CNGA1: variants seen among roughly 807,000 people sequenced by gnomAD.
CNGA1 encodes the protein cyclic nucleotide-gated channel alpha-1.
CNGA1 carries 53 observed loss-of-function variants against 69.7 expected under a neutral mutation model. The observed-to-expected ratio is 0.76, with a 90% CI of 0.61 to 0.96. The LOEUF is 0.96. CNGA1 is among the 40% of genes least tolerant of loss of function. The probability of loss-of-function intolerance (pLI) is 0.00; values close to 1 mark genes in which losing one functional copy is unlikely to be tolerated. For missense variants in CNGA1, 739 were observed against 811.2 expected, an observed-to-expected ratio of 0.91 and a Z score of 1.08; for synonymous variants, 249 against 283.5, an observed-to-expected ratio of 0.88 and a Z score of 1.22.
At chr4:47,987,300 C>T (rs1323557632) in intron 2 of CNGA1, among the ~76,000 whole-genome samples, 8 of 152,058 alleles carry the variant, frequency 5.3e-5, no homozygotes, top group Non-Finnish European at 1.2e-4. Context: ...GGCTCTTGAT[C>T]CTAAGTTATT....
rs3845160 is a variant in CNGA1 at position 47,951,498 on chromosome 4, A to T, written c.108-29T>A. 0.82 allele frequency: 1,179,665 copies of T among 1,443,482 alleles called. 484,490 individuals carry two copies. Among genetic ancestry groups the T allele is most frequent in the East Asian group, 0.97 (42,891 of 44,032 alleles). The allele number at this position is 1,443,482 out of a possible 1,614,324, so 89.4% of individuals were successfully genotyped here. A position where few individuals can be genotyped will look rare whatever the true frequency, so the allele number is the denominator to read the frequency against. On this transcript the variant is annotated intron_variant, in intron 4 of 10. Transcript: ENST00000514170. ...CAGTCCAATAGGAGGCAGAGAGAGA[A>T]GAGTTAATGTTTTCAACCACTGCAG...
Position 47,936,881 on chromosome 4 carries a change from A to G in CNGA1, c.1601T>C (p.Leu534Ser), listed in dbSNP as rs778589744. The change falls in exon 11 of 11, where the codon TTG (leucine) becomes TCG (serine). Residue 534 changes from leucine (L) to serine (S), a missense_variant. Transcript: ENST00000514170. ...CTCACCGAAGTAGCTGCCATCGCTC[A>G]ATACCACAAACTGAGTGACTCCATC... ...ADDGVTQFVVLSDGSYFGEIS... is the reference protein window; with the variant it reads ...ADDGVTQFVVSSDGSYFGEIS... The G allele has an allele frequency of 5.6e-6, 9 of 1,614,150 alleles. No individual in the cohort carries two copies. The highest frequency in any genetic ancestry group is 7.6e-6 in the Non-Finnish European group (9 of 1,180,036).
chr4:48,016,671 C>T lies in CNGA1; in HGVS notation c.-411G>A, dbSNP rs1036900606. On this transcript the variant is annotated 5_prime_UTR_variant, in exon 1 of 11. Transcript: ENST00000514170. The stretch of plus-strand genomic sequence containing the variant: ...GCAACAAGCCCCGGGCAGCAGGGCT[C>T]GGCTGGCGCTGAGGCCCCGCCTGGC... The T allele has an allele frequency of 1.7e-6, 1 of 596,554 alleles. No homozygotes were observed. Among genetic ancestry groups the T allele is most frequent in the Non-Finnish European group, 2.8e-6 (1 of 355,688 alleles). The allele number at this position is 596,554 out of a possible 1,614,324, so 37.0% of individuals were successfully genotyped here. A position where few individuals can be genotyped will look rare whatever the true frequency, so the allele number is the denominator to read the frequency against.
rs149017361 is a variant in CNGA1, at chr4:47,960,871, G to A, written c.-14-8168C>T. Reference sequence around the variant, plus strand: ...AAATTTAAGGACAGGCAAAACATTGGTGATAGAAGTAAAAATAGTAGTTGT... The same window carrying A: ...AAATTTAAGGACAGGCAAAACATTGATGATAGAAGTAAAAATAGTAGTTGT... On this transcript the variant is annotated intron_variant, in intron 3 of 10. Coordinates refer to ENST00000514170, the MANE Select transcript of CNGA1 (RefSeq NM_001379270.1). Among the ~76,000 whole-genome samples, 422 of 152,266 alleles carry A rather than the reference G, an allele frequency of 2.8e-3. 3 individuals are homozygous for A. The highest frequency in any genetic ancestry group is 9.8e-3 in the African/African-American group (409 of 41,552).
intron 2 of CNGA1, among the ~76,000 whole-genome samples, chr4:47,994,822 T>G (rs1216634789): frequency 6.6e-6 from 1 of 152,188 alleles, no homozygotes; most frequent in Non-Finnish European, 1.5e-5. Context: ...GTTCCCAGGA[T>G]TTGTTTCAAT....
chr4:47,949,153 C>T (rs1739598525), intron 6 of CNGA1, among the ~76,000 whole-genome samples: 1 of 152,192 alleles, frequency 6.6e-6, no homozygotes, highest in African/African-American at 2.4e-5. Flanking sequence ...CACTCATTCC[C>T]CACTTGCCAA....
rs1738694092 is a variant in CNGA1, at chr4:47,936,995, T to C, written c.1487A>G (p.Tyr496Cys). Residue 496 changes from tyrosine (Y) to cysteine (C), a missense_variant, in exon 11 of 11, where the codon TAC becomes TGC. By Grantham distance (194) the Tyr-to-Cys change is radical. Coordinates refer to ENST00000514170, the MANE Select transcript of CNGA1 (RefSeq NM_001379270.1). Reference protein sequence around the residue: ...ELVLKLQPQVYSPGDYICKKG... With the variant: ...ELVLKLQPQVCSPGDYICKKG... ...CTTGCAAATATAATCTCCAGGACTG[T>C]AGACTTGGGGTTGCAATTTCAAGAC... 1.2e-6 allele frequency: 2 copies of C among 1,614,014 alleles called. No homozygotes were observed. The highest frequency in any genetic ancestry group is 1.1e-5 in the South Asian group (1 of 91,068).
intron 2 of CNGA1, among the ~76,000 whole-genome samples, chr4:47,986,682 G>T (rs997616637): frequency 6.6e-6 from 1 of 151,790 alleles, no homozygotes; most frequent in African/African-American, 2.4e-5. Flanking sequence ...TTTCTACGAG[G>T]CACAAAGAAA....
At chr4:48,010,105 G>A (rs1715087364) in intron 2 of CNGA1, among the ~76,000 whole-genome samples, 2 of 151,968 alleles carry the variant, frequency 1.3e-5, no homozygotes, top group Admixed American at 1.3e-4. Flanking sequence ...GATATTAAAT[G>A]AAACAACACA....
intron 2 of CNGA1, among the ~76,000 whole-genome samples, chr4:47,994,802 T>C (rs1460639671): frequency 1.3e-5 from 2 of 152,178 alleles, no homozygotes; most frequent in Non-Finnish European, 2.9e-5. Context: ...AAAGAGGTTC[T>C]GTTTGATGTG....
At position 48,016,655 on chromosome 4, in the gene CNGA1, C is replaced by G. The variant is rs74695982; in HGVS notation, c.-395G>C. 1.1e-4 allele frequency: 62 copies of G among 567,380 alleles called. No individual in the cohort carries two copies. The highest frequency in any genetic ancestry group is 1.2e-5 in the Non-Finnish European group (4 of 331,154). 35.1% of individuals were successfully genotyped at this position (567,380 alleles called of 1,614,324 possible). A position where few individuals can be genotyped will look rare whatever the true frequency, so the allele number is the denominator to read the frequency against. On this transcript the variant is annotated 5_prime_UTR_variant, in exon 1 of 11. Coordinates refer to ENST00000514170, the MANE Select transcript of CNGA1 (RefSeq NM_001379270.1). The stretch of plus-strand genomic sequence containing the variant: ...GGGGCCCTGAGAATTCGCAACAAGC[C>G]CCGGGCAGCAGGGCTCGGCTGGCGC...
chr4:48,011,827 T>C (rs1208879295), intron 1 of CNGA1, among the ~76,000 whole-genome samples: 1 of 152,216 alleles, frequency 6.6e-6, no homozygotes, highest in Non-Finnish European at 1.5e-5. Context: ...AGACACGGGA[T>C]TCATAGAAAG....
At chr4:47,938,932 G>A (rs1178681284) in intron 10 of CNGA1, among the ~76,000 whole-genome samples, 4 of 147,078 alleles carry the variant, frequency 2.7e-5, no homozygotes, top group Admixed American at 6.9e-5. Context: ...GAAAGAAAGA[G>A]AGAGAGAGAG....
chr4:47,949,909 A>G lies in CNGA1; in HGVS notation c.225-14T>C, dbSNP rs1448740439. 6.2e-7 allele frequency: 1 copy of G among 1,613,642 alleles called. No individual in the cohort carries two copies. The highest frequency in any genetic ancestry group is 2.2e-5 in the East Asian group (1 of 44,866). ...AGGTACTGCTCCCTGGGAAATGAAA[A>G]ACATGCAGTGAAATCACAGTAGTCA... is the stretch of plus-strand genomic sequence containing the variant. On this transcript the variant is annotated splice_polypyrimidine_tract_variant and intron_variant, in intron 5 of 10. Coordinates refer to ENST00000514170, the MANE Select transcript of CNGA1 (RefSeq NM_001379270.1).
intron 4 of CNGA1, 118 bp downstream of exon 4, chr4:47,952,465 G>C: frequency 1.1e-6 from 1 of 905,764 alleles, no homozygotes; most frequent in Non-Finnish European, 1.7e-6. Flanking sequence ...AAATAAATTT[G>C]CTAAATACAT....
At chr4:47,958,351 G>A (rs938709980) in intron 3 of CNGA1, among the ~76,000 whole-genome samples, 9 of 152,066 alleles carry the variant, frequency 5.9e-5, no homozygotes, top group Non-Finnish European at 8.8e-5. Flanking sequence ...GAGGCCAGGC[G>A]TGGTGGCTCA....
chr4:48,001,647 A>T (rs1168370445), intron 2 of CNGA1, among the ~76,000 whole-genome samples: 4 of 152,240 alleles, frequency 2.6e-5, no homozygotes, highest in Admixed American at 2.6e-4. Flanking sequence ...AAACAAATTT[A>T]AAAATTGGCA....
chr4:47,968,804 G>T (rs958052817), intron 3 of CNGA1, among the ~76,000 whole-genome samples: 3 of 152,146 alleles, frequency 2.0e-5, no homozygotes, highest in East Asian at 1.9e-4. Context: ...CAGGAGAAAG[G>T]CTTCCTATTC....
At position 47,937,113 on chromosome 4, in the gene CNGA1, G is replaced by C. The variant is rs749821126; in HGVS notation, c.1369C>G (p.Leu457Val). 6.2e-7 allele frequency: 1 copy of C among 1,614,126 alleles called. No individual in the cohort carries two copies. Among genetic ancestry groups the C allele is most frequent in the South Asian group, 1.1e-5 (1 of 91,082 alleles). The change falls in exon 11 of 11, where the codon CTA becomes GTA. Residue 457 changes from leucine to valine, a missense_variant. Transcript: ENST00000514170. ...KEVLKYLPDK[L>V]RAEIAINVHL... is the part of the protein sequence containing the mutation. Reference sequence around the variant, plus strand: ...ACGTTGATGGCAATTTCTGCTCTTAGTTTATCAGGTAGATACTTTAAGACT... The same window carrying C: ...ACGTTGATGGCAATTTCTGCTCTTACTTTATCAGGTAGATACTTTAAGACT...
Sources: gnomAD v4.1 joint callset for allele counts (sites outside exome capture counted in the v4.1 genomes callset) on GRCh38, gnomAD v4.1.1 for gene constraint, MANE v1.5 for transcripts, NCBI Gene and HGNC (gene_info 2026-07-23, HGNC 2026-07-21) for gene names.